Variants in SLC24A3 observed in about 807,000 individuals in gnomAD.
The protein encoded by SLC24A3 is solute carrier family 24 member 3.
In SLC24A3, 28 loss-of-function variants were observed where a neutral mutation model predicts 75.8. The observed-to-expected ratio is 0.37, with a 90% CI of 0.27 to 0.51. The LOEUF (loss-of-function observed/expected upper bound fraction) is 0.51, where lower values mean the gene tolerates loss of function less well. Ranked by LOEUF, SLC24A3 falls within the 20% of genes least tolerant of loss-of-function variation. The pLI is 0.94. For missense variants in SLC24A3, 663 were observed against 847.8 expected (o/e 0.78, Z 2.71); for synonymous variants, 372 against 334.1 (o/e 1.11, Z -1.24).
At chr20:19,257,315 G>A (rs1226152179) in intron 1 of SLC24A3, among the ~76,000 whole-genome samples, 3 of 152,156 alleles carry the variant, frequency 2.0e-5, no homozygotes, top group Non-Finnish European at 4.4e-5. Context: ...CCTGAACAGC[G>A]GTTTCCTTAA....
chr20:19,416,907 G>A (rs982609974), intron 2 of SLC24A3, among the ~76,000 whole-genome samples: 7 of 152,204 alleles, frequency 4.6e-5, no homozygotes, highest in Admixed American at 6.5e-5. Flanking sequence ...AGCAAAACTC[G>A]CAGAAGGTAC....
At chr20:19,562,503 T>C (rs1050443103) in intron 3 of SLC24A3, among the ~76,000 whole-genome samples, 1 of 152,188 alleles carries the variant, frequency 6.6e-6, no homozygotes, top group Non-Finnish European at 1.5e-5. Flanking sequence ...ACTGAGCTAA[T>C]TGTCTAACAA....
At chr20:19,657,829 TG>T (rs945499029) in intron 7 of SLC24A3, among the ~76,000 whole-genome samples, 1 of 152,326 alleles carries the variant, frequency 6.6e-6, no homozygotes, top group African/African-American at 2.4e-5. Context: ...CCTAATATCA[TG>T]GTAACAAAAT....
intron 2 of SLC24A3, among the ~76,000 whole-genome samples, chr20:19,463,967 G>A (rs1987722256): frequency 6.6e-6 from 1 of 152,160 alleles, no homozygotes; most frequent in South Asian, 2.1e-4. Context: ...GAAAATAAAA[G>A]GCCTTTCATA....
chr20:19,708,877 G>A (rs1214023211), intron 15 of SLC24A3, among the ~76,000 whole-genome samples: 1 of 152,192 alleles, frequency 6.6e-6, no homozygotes, highest in African/African-American at 2.4e-5. Flanking sequence ...AGGGAAGGAA[G>A]GGTTCTTCCA....
chr20:19,583,833 C>T (rs534200035), intron 4 of SLC24A3, among the ~76,000 whole-genome samples: 18 of 151,756 alleles, frequency 1.2e-4, no homozygotes, highest in Admixed American at 7.2e-4. Context: ...GCGCCTCCAT[C>T]TTAGGATCTG....
At chr20:19,463,524 C>T (rs971574350) in intron 2 of SLC24A3, among the ~76,000 whole-genome samples, 4 of 152,146 alleles carry the variant, frequency 2.6e-5, no homozygotes, top group East Asian at 1.9e-4. Flanking sequence ...GACAGGTCCC[C>T]GAGTGAATGC....
intron 1 of SLC24A3, among the ~76,000 whole-genome samples, chr20:19,280,018 T>C (rs1983612598): frequency 2.0e-5 from 3 of 152,352 alleles, no homozygotes. Flanking sequence ...TTTGTGGTAC[T>C]GTAATCTTAA....
chr20:19,672,383 G>A (rs2032479082), intron 8 of SLC24A3, among the ~76,000 whole-genome samples: 1 of 152,132 alleles, frequency 6.6e-6, no homozygotes, highest in East Asian at 1.9e-4. Context: ...CGCCCAGGCT[G>A]TCGTGCAGTG....
chr20:19,227,579 G>A (rs914103067), intron 1 of SLC24A3, among the ~76,000 whole-genome samples: 2 of 152,012 alleles, frequency 1.3e-5, no homozygotes, highest in African/African-American at 4.8e-5. Flanking sequence ...TTTAGCATAA[G>A]ATTAAAATTT....
intron 12 of SLC24A3, among the ~76,000 whole-genome samples, chr20:19,686,854 G>GT (rs2032681894): frequency 6.6e-6 from 1 of 152,100 alleles, no homozygotes; most frequent in Non-Finnish European, 1.5e-5. Flanking sequence ...ATCATTACTT[G>GT]TTAGTACATT....
chr20:19,258,704 A>G (rs904854712), intron 1 of SLC24A3, among the ~76,000 whole-genome samples: 1 of 152,168 alleles, frequency 6.6e-6, no homozygotes, highest in Non-Finnish European at 1.5e-5. Context: ...TCTGTCTCCA[A>G]ATAAAAGAAA....
chr20:19,613,660 G>A (rs2031699916), intron 6 of SLC24A3, among the ~76,000 whole-genome samples: 1 of 152,168 alleles, frequency 6.6e-6, no homozygotes, highest in African/African-American at 2.4e-5. Flanking sequence ...TCCTCCTTGG[G>A]ATGTTCACGC....
intron 2 of SLC24A3, among the ~76,000 whole-genome samples, chr20:19,459,741 G>A (rs186240665): frequency 6.6e-6 from 1 of 152,230 alleles, no homozygotes; most frequent in East Asian, 1.9e-4. Context: ...GTGATCTCCA[G>A]GTGGCCTGAG....
intron 15 of SLC24A3, among the ~76,000 whole-genome samples, chr20:19,700,388 G>A (rs1003438584): frequency 6.6e-6 from 1 of 152,164 alleles, no homozygotes; most frequent in African/African-American, 2.4e-5. Context: ...ATGGAATATT[G>A]TGTAGATCAC....
intron 2 of SLC24A3, among the ~76,000 whole-genome samples, chr20:19,480,031 G>A (rs1402944136): frequency 1.3e-5 from 2 of 152,190 alleles, no homozygotes; most frequent in East Asian, 3.8e-4. Context: ...TTCATATAGT[G>A]GTTGCAAAAT....
chr20:19,622,396 T>C (rs184736866), intron 6 of SLC24A3, among the ~76,000 whole-genome samples: 357 of 152,328 alleles, frequency 2.3e-3, no homozygotes, highest in Non-Finnish European at 3.8e-3. Flanking sequence ...TTTAGTGAGC[T>C]GGTAAAAGTG....
In SLC24A3 at chr20:19,212,937, C is replaced by T; in HGVS notation, c.95C>T (p.Ser32Leu). 3.7e-6 allele frequency: 5 copies of T among 1,349,008 alleles called. No homozygotes were observed. The highest frequency in any genetic ancestry group is 4.8e-6 in the Non-Finnish European group (5 of 1,048,366). The allele number at this position is 1,349,008 out of a possible 1,614,324, so 83.6% of individuals were successfully genotyped here. ...LLLSQLCFLA[S>L]VALLLWSLSS... is the part of the protein sequence containing the mutation. ...CTGAGCCAGCTCTGCTTCCTGGCCTCGGTGGCGCTGCTGCTCTGGTCGCTG... is the reference window on the plus strand; with the variant it reads ...CTGAGCCAGCTCTGCTTCCTGGCCTTGGTGGCGCTGCTGCTCTGGTCGCTG... Residue 32 changes from serine (S) to leucine (L), a missense_variant, in exon 1 of 17, where the codon TCG (serine) becomes TTG (leucine). By Grantham distance (145) the Ser-to-Leu change is moderately radical. Around this residue, in one of 2 missense-constraint regions of SLC24A3, gnomAD observed 153 missense variants for 144.2 expected, o/e 1.06. Transcript: ENST00000328041.
intron 6 of SLC24A3, among the ~76,000 whole-genome samples, chr20:19,591,001 C>G (rs115739731): frequency 2.0e-5 from 3 of 152,194 alleles, no homozygotes; most frequent in South Asian, 2.1e-4. Flanking sequence ...GTCTCTTGCA[C>G]TGTCCCCTCA....
Sources: allele counts gnomAD v4.1 joint callset (sites outside exome capture counted in the v4.1 genomes callset), GRCh38; gene constraint gnomAD v4.1.1; regional missense constraint gnomAD v4.1.1; transcripts MANE v1.5; gene names NCBI Gene and HGNC (gene_info 2026-07-23, HGNC 2026-07-21).